The following SLC16A11 variants were observed in gnomAD, a reference collection of about 807,000 sequenced individuals.
SLC16A11 encodes monocarboxylate transporter 11.
A neutral mutation model predicts 26.0 loss-of-function variants in SLC16A11; 24 were observed. The ratio of observed to expected loss-of-function variants is 0.92; its 90% CI spans 0.67 to 1.30. The LOEUF (loss-of-function observed/expected upper bound fraction) is 1.30. Ranked by LOEUF, SLC16A11 falls within the 50% of genes most tolerant of loss-of-function variation. The probability of loss-of-function intolerance (pLI) is 0.00; values close to 1 mark genes in which losing one functional copy is unlikely to be tolerated. For missense variants in SLC16A11, 638 were observed against 597.7 expected (o/e 1.07, Z -0.70); for synonymous variants, 332 against 296.0 (o/e 1.12, Z -1.25).
At chr17:7,043,554 C>A in intron 1 of SLC16A11, 35 bp from the exon 2 acceptor site, 1 of 1,576,666 alleles carries the variant, frequency 6.3e-7, no homozygotes, top group Non-Finnish European at 8.6e-7. Flanking sequence ...AGAGAAGCCT[C>A]CACGCCTGTG....
intron 1 of SLC16A11, 51 bp downstream of exon 1, chr17:7,043,716 GGACAGCCA>G: frequency 8.8e-7 from 1 of 1,134,594 alleles, no homozygotes; most frequent in Non-Finnish European, 1.2e-6. Flanking sequence ...ACGGGGACGG[GGACAGCCA>G]GATCCCCAGG....
intron 2 of SLC16A11, 65 bp from the exon 3 acceptor site, chr17:7,043,138 C>T: frequency 6.8e-7 from 1 of 1,465,946 alleles, no homozygotes; most frequent in Non-Finnish European, 9.0e-7. Flanking sequence ...CAACACTTCT[C>T]ATTGGCTGTT....
chr17:7,042,113 C>A lies in SLC16A11; in HGVS notation c.997G>T (p.Ala333Ser). The A allele has an allele frequency of 1.9e-6, 3 of 1,602,234 alleles. No individual in the cohort carries two copies. The highest frequency in any genetic ancestry group is 2.6e-6 in the Non-Finnish European group (3 of 1,174,246). Reference protein sequence around the residue: ...VAYGLSAGSYAPLVFGVLPGL... With the variant: ...VAYGLSAGSYSPLVFGVLPGL... ...GGGAGTACACCGAAAACCAGCGGGG[C>A]GTAACTCCCCGCGCTCAGCCCATAG... is the stretch of plus-strand genomic sequence containing the variant. Residue 333 changes from alanine to serine, a missense_variant, in exon 4 of 5, where the codon GCC (alanine) becomes TCC (serine). Ala to Ser is a moderately conservative substitution (Grantham distance 99). Coordinates refer to ENST00000574600, the MANE Select transcript of SLC16A11 (RefSeq NM_001370549.1). The surrounding 1 kb of genome is among the most constrained non-coding windows in gnomAD (Gnocchi z 5.9).
rs1460903613 is a variant in SLC16A11, at chr17:7,043,438, C to A, written c.76G>T (p.Gly26Trp). 5 of 1,599,650 alleles carry A rather than the reference C, an allele frequency of 3.1e-6. No homozygotes were observed. Among genetic ancestry groups the A allele is most frequent in the East Asian group, 4.5e-5 (2 of 44,522 alleles). ...GAGCGCAGCAGCCCGTAGGACAGCC[C>A]GTTTATCGCGAAGGCTGCGGCCGCC... Reference protein sequence around the residue: ...VVAAAAFAINGLSYGLLRSLG... With the variant: ...VVAAAAFAINWLSYGLLRSLG... The change falls in exon 2 of 5, where the codon GGG becomes TGG. Residue 26 changes from glycine to tryptophan, a missense_variant. Physicochemically the swap from Gly to Trp is radical, Grantham distance 184 (BLOSUM62 -2). Transcript: ENST00000574600.
rs1195986823 is a variant in SLC16A11, at chr17:7,043,481, C to G, written c.33G>C (p.Gly11=). The change falls in exon 2 of 5, where the codon GGG becomes GGC. Residue 11 remains glycine (G), a synonymous_variant. Coordinates refer to ENST00000574600, the MANE Select transcript of SLC16A11 (RefSeq NM_001370549.1). The stretch of plus-strand genomic sequence containing the variant: ...CGGCCGCCACCACCCAGCCCCAGCC[C>G]CCATCCGGGGGTCCGGCGGGCTGGG... The part of the protein sequence containing the change: MTPQPAGPPD[G]GWGWVVAAAA... 1 of 1,598,824 alleles carries G rather than the reference C, an allele frequency of 6.3e-7. No individual in the cohort carries two copies. The highest frequency in any genetic ancestry group is 1.7e-5 in the Admixed American group (1 of 59,484).
At chr17:7,043,658 G>A in intron 1 of SLC16A11, 117 bp downstream of exon 1, 1 of 1,470,866 alleles carries the variant, frequency 6.8e-7, no homozygotes, top group African/African-American at 1.4e-5. Flanking sequence ...CGGGGCGGAG[G>A]GAGCCGGAGC....
Position 7,041,645 on chromosome 17 carries a change from C to A in SLC16A11, c.*34G>T, listed in dbSNP as rs768718878. 3.1e-5 allele frequency: 47 copies of A among 1,534,414 alleles called. No homozygotes were observed. In the Admixed American group the frequency reaches 6.1e-4, roughly 20 times the overall value. On this transcript the variant is annotated 3_prime_UTR_variant, in exon 5 of 5. Transcript: ENST00000574600. ...GTTTCAGGAAAACCCGATAAAAATT[C>A]TTTATTGGGGGAGGGGCTCAAACAA...
In SLC16A11 at chr17:7,042,227, T is replaced by G. The variant is rs1204374408; in HGVS notation, c.883A>C (p.Thr295Pro). Residue 295 changes from threonine to proline, a missense_variant, in exon 4 of 5, where the codon ACT becomes CCT. Physicochemically the swap from Thr to Pro is conservative, Grantham distance 38. Transcript: ENST00000574600. The surrounding 1 kb of genome is among the most constrained non-coding windows in gnomAD (Gnocchi z 5.9). Reference protein sequence around the residue: ...PRLLAVFGALTGLGLWVVGLV... With the variant: ...PRLLAVFGALPGLGLWVVGLV... ...CCCACCACCCACAGCCCCAGCCCAG[T>G]CAGAGCCCCGAATACGGCCAGCAGC... The G allele has an allele frequency of 1.9e-6, 3 of 1,579,348 alleles. No individual in the cohort carries two copies. The highest frequency in any genetic ancestry group is 2.3e-5 in the South Asian group (2 of 86,782).
chr17:7,041,950 G>A (rs12945448), intron 4 of SLC16A11, 42 bp from the exon 5 acceptor site: 2 of 1,607,646 alleles, frequency 1.2e-6, no homozygotes, highest in African/African-American at 2.7e-5. Context: ...TCGAACCCCA[G>A]GGGCAGAGGA....
Position 7,044,023 on chromosome 17 carries a change from G to A in SLC16A11, c.-255C>T. ...AAGCCGCGCGTGAGGCCAGACGCCA[G>A]TCCCACGGGGATTGAATTATGTACA... On this transcript the variant is annotated 5_prime_UTR_variant, in exon 1 of 5. Transcript: ENST00000574600. 6.0e-6 allele frequency: 1 copy of A among 167,126 alleles called. No homozygotes were observed. The highest frequency in any genetic ancestry group is 1.3e-5 in the Non-Finnish European group (1 of 78,318). 10.4% of individuals were successfully genotyped at this position (167,126 alleles called of 1,614,324 possible). A position where few individuals can be genotyped will look rare whatever the true frequency, so the allele number is the denominator to read the frequency against.
At chr17:7,043,664 G>T (rs1910877266) in intron 1 of SLC16A11, 111 bp downstream of exon 1, 1 of 1,459,714 alleles carries the variant, frequency 6.9e-7, no homozygotes, top group Admixed American at 2.5e-5. Flanking sequence ...GGAGGGAGCC[G>T]GAGCCTGGCC....
rs764350584 is a variant in SLC16A11 at position 7,043,066 on chromosome 17, C to G, written c.210G>C (p.Val70=). 2.6e-6 allele frequency: 4 copies of G among 1,547,752 alleles called. No individual in the cohort carries two copies. The highest frequency in any genetic ancestry group is 3.5e-6 in the Non-Finnish European group (4 of 1,146,446). ...CCCAGCGCGTGCTCAGGGCGCTGCC[C>G]ACGGGGCCTGAAAGGGGGCGGAGTC... The part of the protein sequence containing the change: ...ALAVQQAASP[V]GSALSTRWGA... Residue 70 remains valine (V), a synonymous_variant, in exon 3 of 5, where the codon GTG becomes GTC. Coordinates refer to ENST00000574600, the MANE Select transcript of SLC16A11 (RefSeq NM_001370549.1).
Position 7,043,823 on chromosome 17 carries a change from G to A in SLC16A11, c.-55C>T, listed in dbSNP as rs1237015113. The A allele has an allele frequency of 6.4e-6, 3 of 471,674 alleles. No homozygotes were observed. Among genetic ancestry groups the A allele is most frequent in the Non-Finnish European group, 1.1e-5 (3 of 276,514 alleles). The allele number at this position is 471,674 out of a possible 1,614,324, so 29.2% of individuals were successfully genotyped here. On this transcript the variant is annotated 5_prime_UTR_variant, in exon 1 of 5. Coordinates refer to ENST00000574600, the MANE Select transcript of SLC16A11 (RefSeq NM_001370549.1). Reference sequence around the variant, plus strand: ...GAGGGGAAGGGTGAGGAAGGGCTGGGCCCGGCTTTCTCTCTGCTTCCCAGG... The same window carrying A: ...GAGGGGAAGGGTGAGGAAGGGCTGGACCCGGCTTTCTCTCTGCTTCCCAGG...
intron 1 of SLC16A11, 89 bp downstream of exon 1, chr17:7,043,686 C>G (rs1159553843): frequency 2.2e-6 from 3 of 1,390,612 alleles, no homozygotes; most frequent in Non-Finnish European, 2.8e-6. Flanking sequence ...AGGGCTGGAA[C>G]TCCCGGGTCC....
At position 7,043,809 on chromosome 17, in the gene SLC16A11, T is replaced by A; in HGVS notation, c.-41A>T. ...CCGGGCGGTGCGGGGAGGGGAAGGG[T>A]GAGGAAGGGCTGGGCCCGGCTTTCT... is the stretch of plus-strand genomic sequence containing the variant. On this transcript the variant is annotated 5_prime_UTR_variant, in exon 1 of 5. Transcript: ENST00000574600. 2.0e-6 allele frequency: 1 copy of A among 501,438 alleles called. No individual in the cohort carries two copies. Among genetic ancestry groups the A allele is most frequent in the Non-Finnish European group, 3.4e-6 (1 of 298,084 alleles). 31.1% of individuals were successfully genotyped at this position (501,438 alleles called of 1,614,324 possible). A position where few individuals can be genotyped will look rare whatever the true frequency, so the allele number is the denominator to read the frequency against.
rs1398467256 is a variant in SLC16A11, at chr17:7,042,850, C to A, written c.346+80G>T. On this transcript the variant is annotated intron_variant, in intron 3 of 4. Transcript: ENST00000574600. This position sits in a 1 kb window ranked among gnomAD's most constrained non-coding sequence, Gnocchi z 5.9. ...CCCGGCTCTCCGCACCAGGCCCCCG[C>A]CTCGTTCGCTACCCCAGATCCCAAC... is the stretch of plus-strand genomic sequence containing the variant. The A allele has an allele frequency of 1.3e-6, 2 of 1,592,348 alleles. No homozygotes were observed. Among genetic ancestry groups the A allele is most frequent in the African/African-American group, 1.3e-5 (1 of 74,522 alleles).
At position 7,042,143 on chromosome 17, in the gene SLC16A11, C is replaced by G; in HGVS notation, c.967G>C (p.Val323Leu). Residue 323 changes from valine (V) to leucine (L), a missense_variant, in exon 4 of 5, where the codon GTG (valine) becomes CTG (leucine). By Grantham distance (32) the Val-to-Leu change is conservative (BLOSUM62 1). Transcript: ENST00000574600. This position sits in a 1 kb window ranked among gnomAD's most constrained non-coding sequence, Gnocchi z 5.9. ...CTCCCCGCGCTCAGCCCATAGGCCA[C>G]AGCCGCGGCCAGCAGGGGACCCCCC... is the stretch of plus-strand genomic sequence containing the variant. Reference protein sequence around the residue: ...SWGGPLLAAAVAYGLSAGSYA... With the variant: ...SWGGPLLAAALAYGLSAGSYA... 1 of 1,584,988 alleles carries G rather than the reference C, an allele frequency of 6.3e-7. No individual in the cohort carries two copies. Among genetic ancestry groups the G allele is most frequent in the African/African-American group, 1.3e-5 (1 of 74,138 alleles).
rs1484890245 is a variant in SLC16A11, at chr17:7,042,358, C to T, written c.752G>A (p.Gly251Glu). Reference sequence around the variant, plus strand: ...CACCACCAGCGCTGCTCCGTATCCCCCCAGGCCCCGGTCTAAAGCGTGGGG... The same window carrying T: ...CACCACCAGCGCTGCTCCGTATCCCTCCAGGCCCCGGTCTAAAGCGTGGGG... The part of the protein sequence containing the change: ...LAPHALDRGL[G>E]GYGAALVVAV... Residue 251 changes from glycine to glutamate, a missense_variant, in exon 4 of 5, where the codon GGG becomes GAG. Transcript: ENST00000574600. This position sits in a 1 kb window ranked among gnomAD's most constrained non-coding sequence, Gnocchi z 5.9. The T allele has an allele frequency of 5.1e-6, 8 of 1,563,128 alleles. No homozygotes were observed. Among genetic ancestry groups the T allele is most frequent in the African/African-American group, 1.4e-5 (1 of 73,540 alleles).
rs201369015 is a variant in SLC16A11 at position 7,042,934 on chromosome 17, G to T, written c.342C>A (p.Leu114=). 2.4e-5 allele frequency: 38 copies of T among 1,613,266 alleles called. No individual in the cohort carries two copies. In the Admixed American group the frequency reaches 5.5e-4, roughly 23 times the overall value. ...LLHLYLGLGL[L]AGFGWALVFA... ...CGGGCATCCCACTTCCCTCACCAGC[G>T]AGGAGGCCCAGGCCGAGGTAGAGAT... The change falls in exon 3 of 5, where the codon CTC becomes CTA. Residue 114 remains leucine, a synonymous_variant. Transcript: ENST00000574600. This position sits in a 1 kb window ranked among gnomAD's most constrained non-coding sequence, Gnocchi z 5.9.
Sources: allele counts gnomAD v4.1 joint callset, GRCh38; gene constraint gnomAD v4.1.1; non-coding constraint Gnocchi (gnomAD v3.1); transcripts MANE v1.5; gene names NCBI Gene and HGNC (gene_info 2026-07-23, HGNC 2026-07-21).